The following HEMK2 variants were observed in gnomAD, a reference collection of about 807,000 sequenced individuals.
The protein encoded by HEMK2 is HemK methyltransferase 2, ETF1 glutamine and histone H4 lysine.
chr21:28,678,650 T>G, the HEMK2 span, among the ~76,000 whole-genome samples: 1 of 152,122 alleles, frequency 6.6e-6, no homozygotes, highest in African/African-American at 2.4e-5. Flanking sequence ...GAGAGAAAGG[T>G]CGGGTAACCC....
the HEMK2 span, among the ~76,000 whole-genome samples, chr21:28,712,565 T>C: frequency 6.6e-5 from 10 of 152,108 alleles, no homozygotes; most frequent in Non-Finnish European, 1.2e-4. Context: ...TGGGCAGAAG[T>C]GTTTAGAGGA....
chr21:28,653,121 CCCTGCTCCACAAGGAGCAGTA>C, the HEMK2 span, among the ~76,000 whole-genome samples: 2 of 151,976 alleles, frequency 1.3e-5, no homozygotes, highest in Non-Finnish European at 2.9e-5. Flanking sequence ...TGTGAGTTAG[CCCTGCTCCACAAGGAGCAGTA>C]CTGGTCACTA....
At chr21:28,646,930 G>A in the HEMK2 span, among the ~76,000 whole-genome samples, 1 of 152,122 alleles carries the variant, frequency 6.6e-6, no homozygotes, top group Non-Finnish European at 1.5e-5. Flanking sequence ...CATGTTGCTT[G>A]GGCCAATCCA....
the HEMK2 span, among the ~76,000 whole-genome samples, chr21:28,722,883 TCAAACAAACAAA>T: frequency 7.9e-5 from 12 of 151,500 alleles, no homozygotes; most frequent in Admixed American, 6.6e-4. Context: ...AAACTCAGTC[TCAAACAAACAAA>T]CAAACAAACA....
the HEMK2 span, among the ~76,000 whole-genome samples, chr21:28,770,801 T>C: frequency 2.6e-5 from 4 of 152,100 alleles, no homozygotes; most frequent in Non-Finnish European, 5.9e-5. Flanking sequence ...TTTATCTTTG[T>C]TATAAATTGC....
At chr21:28,732,012 G>A in the HEMK2 span, among the ~76,000 whole-genome samples, 34 of 152,320 alleles carry the variant, frequency 2.2e-4, no homozygotes, top group East Asian at 7.7e-4. Flanking sequence ...CTAGCAGGTC[G>A]GAAAAGCGTT....
At chr21:28,614,817 C>T in the HEMK2 span, among the ~76,000 whole-genome samples, 21 of 152,008 alleles carry the variant, frequency 1.4e-4, no homozygotes, top group African/African-American at 5.1e-4. Flanking sequence ...GCTAACACAG[C>T]AGCCTCTAAG....
chr21:28,608,822 C>A, the HEMK2 span, among the ~76,000 whole-genome samples: 1 of 152,108 alleles, frequency 6.6e-6, no homozygotes, highest in Non-Finnish European at 1.5e-5. Context: ...GGTGACTCAA[C>A]AGGGGCAGCC....
chr21:28,651,737 T>C, the HEMK2 span, among the ~76,000 whole-genome samples: 1 of 152,214 alleles, frequency 6.6e-6, no homozygotes, highest in African/African-American at 2.4e-5. Context: ...GAATCTCTGG[T>C]AATGTCATTA....
the HEMK2 span, among the ~76,000 whole-genome samples, chr21:28,835,592 C>T: frequency 6.6e-6 from 1 of 151,968 alleles, no homozygotes. Context: ...TCAACACCCC[C>T]AAAAAACCAC....
chr21:28,857,593 T>C, the HEMK2 span, among the ~76,000 whole-genome samples: 3 of 152,200 alleles, frequency 2.0e-5, no homozygotes, highest in Non-Finnish European at 4.4e-5. Context: ...ATAAATGTAA[T>C]ATACTCTTCA....
the HEMK2 span, among the ~76,000 whole-genome samples, chr21:28,659,542 G>C: frequency 6.6e-6 from 1 of 152,014 alleles, no homozygotes; most frequent in Non-Finnish European, 1.5e-5. Flanking sequence ...AAACCAAAGA[G>C]AACTATTTGA....
chr21:28,714,615 T>A, the HEMK2 span, among the ~76,000 whole-genome samples: 2 of 152,222 alleles, frequency 1.3e-5, no homozygotes, highest in African/African-American at 4.8e-5. Flanking sequence ...AGTTGACTAA[T>A]ACACAGAAGG....
the HEMK2 span, among the ~76,000 whole-genome samples, chr21:28,765,260 T>G: frequency 6.6e-6 from 1 of 152,010 alleles, no homozygotes; most frequent in South Asian, 2.1e-4. Context: ...CCCAATTGAG[T>G]TTCAGGTGAG....
At chr21:28,820,512 C>G in the HEMK2 span, among the ~76,000 whole-genome samples, 171 of 152,300 alleles carry the variant, frequency 1.1e-3, no homozygotes, top group Non-Finnish European at 1.9e-3. Context: ...CTGATTTCCC[C>G]TAAAAATCAT....
chr21:28,831,666 AGAAAGAAAGAAAGAAAGAAGGAAG>A, the HEMK2 span, among the ~76,000 whole-genome samples: 2 of 56,944 alleles, frequency 3.5e-5, no homozygotes, highest in African/African-American at 1.7e-4. Flanking sequence ...AAAGAAAGAA[AGAAAGAAAGAAAGAAAGAAGGAAG>A]GAAGGAAGGA....
chr21:28,656,230 G>A, the HEMK2 span, among the ~76,000 whole-genome samples: 3 of 152,022 alleles, frequency 2.0e-5, no homozygotes. Context: ...AACCCAAGAA[G>A]TGGACCTTGT....
At chr21:28,755,033 G>A in the HEMK2 span, among the ~76,000 whole-genome samples, 29,342 of 151,980 alleles carry the variant, frequency 0.19, 3,518 homozygotes, top group African/African-American at 0.34. Flanking sequence ...AGATAGAGTT[G>A]GCCAGGCAGA....
the HEMK2 span, among the ~76,000 whole-genome samples, chr21:28,801,929 A>T: frequency 6.6e-6 from 1 of 152,188 alleles, no homozygotes; most frequent in African/African-American, 2.4e-5. Flanking sequence ...CTCACACATC[A>T]TTGGTATAAA....
Sources: gnomAD v4.1 joint callset for allele counts (sites outside exome capture counted in the v4.1 genomes callset) on GRCh38, gnomAD v4.1.1 for gene constraint, MANE v1.5 for transcripts, NCBI Gene and HGNC (gene_info 2026-07-23, HGNC 2026-07-21) for gene names.